The following FAM107B variants were observed in gnomAD, a reference collection of about 807,000 sequenced individuals.
The protein encoded by FAM107B is family with sequence similarity 107 member B, also known as protein FAM107B.
FAM107B carries 21 observed loss-of-function variants against 31.5 expected under a neutral mutation model. That is an observed-to-expected ratio of 0.67 (90% CI 0.47 to 0.96). FAM107B has a LOEUF of 0.96. FAM107B is among the 40% of genes least tolerant of loss of function. FAM107B has a pLI of 0.00. For synonymous variants in FAM107B, 157 were observed against 141.5 expected (o/e 1.11, Z -0.78); for missense variants, 452 against 377.1 (o/e 1.20, Z -1.64).
At chr10:14,667,502 C>T (rs1459862399) in intron 2 of FAM107B, 132 bp downstream of exon 2, 1 of 859,126 alleles carries the variant, frequency 1.2e-6, no homozygotes, top group African/African-American at 1.7e-5. Flanking sequence ...TCACACGTGA[C>T]ATTTCTAGTC....
intron 2 of FAM107B, among the ~76,000 whole-genome samples, chr10:14,588,509 T>C (rs1021364580): frequency 1.3e-5 from 2 of 152,140 alleles, no homozygotes; most frequent in Admixed American, 6.5e-5. Context: ...CTCCCCTCTC[T>C]GTAAGCCAGC....
chr10:14,600,851 G>A (rs1258572693), intron 2 of FAM107B, among the ~76,000 whole-genome samples: 1 of 152,108 alleles, frequency 6.6e-6, no homozygotes, highest in Admixed American at 6.5e-5. Context: ...ATGTTGCCCA[G>A]CCTGGTCTCA....
chr10:14,714,046 G>C (rs1490728372), intron 1 of FAM107B, among the ~76,000 whole-genome samples: 1 of 152,082 alleles, frequency 6.6e-6, no homozygotes, highest in Non-Finnish European at 1.5e-5. Flanking sequence ...AGGGTGGGAG[G>C]AAGGTGAGGA....
At chr10:14,643,627 C>G (rs944338667) in intron 2 of FAM107B, among the ~76,000 whole-genome samples, 1 of 152,120 alleles carries the variant, frequency 6.6e-6, no homozygotes, top group African/African-American at 2.4e-5. Context: ...CCAGGCTGGT[C>G]TTGAACTCCT....
intron 1 of FAM107B, among the ~76,000 whole-genome samples, chr10:14,741,545 C>A (rs918550834): frequency 9.2e-5 from 14 of 152,102 alleles, no homozygotes; most frequent in African/African-American, 3.4e-4. Context: ...CTCTGCCCAG[C>A]CAAACACTGA....
At chr10:14,589,970 G>A (rs529159208) in intron 2 of FAM107B, among the ~76,000 whole-genome samples, 1 of 152,286 alleles carries the variant, frequency 6.6e-6, no homozygotes, top group South Asian at 2.1e-4. Flanking sequence ...TCACAGGGTT[G>A]TCATGAGGAT....
intron 3 of FAM107B, among the ~76,000 whole-genome samples, chr10:14,524,619 A>C (rs1410728029): frequency 2.6e-5 from 4 of 152,216 alleles, no homozygotes; most frequent in Admixed American, 2.6e-4. Flanking sequence ...GGTGTTATTA[A>C]CCACAGGAAA....
Position 14,624,769 on chromosome 10 carries a change from A to G in FAM107B, c.469+42865T>C, listed in dbSNP as rs117422978. On this transcript the variant is annotated intron_variant, in intron 2 of 4. Transcript: ENST00000181796. ...TAAAGCAGCTGGCAAACGCAAGAAA[A>G]GAAAAACAGAGTGGGTGGAGCTGTT... 8.0e-4 allele frequency among the ~76,000 whole-genome samples: 122 copies of G among 152,370 alleles called. 1 individual carries two copies. The East Asian group carries it at 0.014, about 17-fold the overall frequency.
intron 2 of FAM107B, among the ~76,000 whole-genome samples, chr10:14,539,614 G>C (rs1272004299): frequency 6.6e-6 from 1 of 151,936 alleles, no homozygotes; most frequent in African/African-American, 2.4e-5. Context: ...AATACTCTAG[G>C]GTGTGAGAAC....
At chr10:14,682,401 C>T (rs546167655) in intron 1 of FAM107B, among the ~76,000 whole-genome samples, 9 of 152,136 alleles carry the variant, frequency 5.9e-5, no homozygotes, top group Admixed American at 2.6e-4. Context: ...TGGTGGCGCA[C>T]GCCTGTAGTC....
At chr10:14,680,963 G>A (rs1000882168) in intron 1 of FAM107B, among the ~76,000 whole-genome samples, 2 of 152,278 alleles carry the variant, frequency 1.3e-5, no homozygotes, top group South Asian at 2.1e-4. Flanking sequence ...TCTATGAAGT[G>A]TATTTCCCAG....
intron 1 of FAM107B, among the ~76,000 whole-genome samples, chr10:14,767,657 G>T (rs2131597714): frequency 6.6e-6 from 1 of 152,186 alleles, no homozygotes; most frequent in South Asian, 2.1e-4. Context: ...GTTAGGAATA[G>T]AAGGAAACTA....
At chr10:14,700,209 A>G (rs1855362094) in intron 1 of FAM107B, among the ~76,000 whole-genome samples, 1 of 152,196 alleles carries the variant, frequency 6.6e-6, no homozygotes, top group African/African-American at 2.4e-5. Flanking sequence ...CTAGGATTAC[A>G]GGTGTGAGCC....
chr10:14,700,853 C>G (rs10906749), intron 1 of FAM107B, among the ~76,000 whole-genome samples: 107,640 of 127,216 alleles, frequency 0.85, 45,236 homozygotes, highest in Non-Finnish European at 0.86. Flanking sequence ...AAAAAAAAAA[C>G]GCACTAGGGT....
chr10:14,582,706 A>C (rs1454957609), intron 2 of FAM107B, among the ~76,000 whole-genome samples: 1 of 151,970 alleles, frequency 6.6e-6, no homozygotes, highest in Non-Finnish European at 1.5e-5. Flanking sequence ...TGTACTGAGT[A>C]CTTATTCCAT....
At chr10:14,755,154 A>C (rs998870904) in intron 1 of FAM107B, among the ~76,000 whole-genome samples, 1 of 152,252 alleles carries the variant, frequency 6.6e-6, no homozygotes, top group African/African-American at 2.4e-5. Flanking sequence ...ATGACTTGAC[A>C]CTTCTGTGGA....
At chr10:14,620,298 T>C (rs766028607) in intron 2 of FAM107B, among the ~76,000 whole-genome samples, 4 of 152,198 alleles carry the variant, frequency 2.6e-5, no homozygotes, top group Non-Finnish European at 5.9e-5. Context: ...ATTACAGGCA[T>C]GAGCCACCGC....
chr10:14,615,408 A>AT (rs774212182), intron 2 of FAM107B, among the ~76,000 whole-genome samples: 5 of 152,166 alleles, frequency 3.3e-5, no homozygotes, highest in South Asian at 2.1e-4. Context: ...GAATTAATGG[A>AT]TATCTTTTGG....
chr10:14,610,521 C>T (rs1175061324), intron 2 of FAM107B, among the ~76,000 whole-genome samples: 2 of 152,146 alleles, frequency 1.3e-5, no homozygotes, highest in Non-Finnish European at 2.9e-5. Flanking sequence ...ACTTAGAGAA[C>T]TCATTTGTGG....
Sources: gnomAD v4.1 joint callset for allele counts (sites outside exome capture counted in the v4.1 genomes callset) on GRCh38, gnomAD v4.1.1 for gene constraint, MANE v1.5 for transcripts, NCBI Gene and HGNC (gene_info 2026-07-23, HGNC 2026-07-21) for gene names.